SOX6: variants seen among roughly 807,000 people sequenced by gnomAD.
SOX6 encodes transcription factor SOX-6.
A neutral mutation model predicts 97.8 loss-of-function variants in SOX6; 11 were observed. The ratio of observed to expected loss-of-function variants is 0.11; its 90% CI spans 0.07 to 0.19. The LOEUF is 0.19. Among genes scored for constraint, SOX6 ranks in the 10% least tolerant of loss-of-function variants. The pLI is 1.00. For synonymous variants in SOX6, 360 were observed against 371.4 expected (o/e 0.97, Z 0.35); for missense variants, 810 against 1,039.5 (o/e 0.78, Z 3.04).
intron 2 of SOX6, among the ~76,000 whole-genome samples, chr11:16,724,801 C>T (rs941945203): frequency 2.6e-5 from 4 of 152,106 alleles, no homozygotes; most frequent in African/African-American, 9.7e-5. Context: ...ACTACTCAAA[C>T]GTAGTTTCAA....
intron 14 of SOX6, among the ~76,000 whole-genome samples, chr11:15,986,696 A>T (rs975942144): frequency 1.3e-5 from 2 of 152,172 alleles, no homozygotes; most frequent in Non-Finnish European, 2.9e-5. Flanking sequence ...CATTGCCTAC[A>T]CCAAGGTCTT....
chr11:16,321,189 T>C (rs1855913073), intron 2 of SOX6, among the ~76,000 whole-genome samples: 1 of 151,906 alleles, frequency 6.6e-6, no homozygotes, highest in African/African-American at 2.4e-5. Flanking sequence ...CTTTTATGAA[T>C]TAATAATCAC....
chr11:16,522,859 C>G (rs1480949677), intron 4 of SOX6, among the ~76,000 whole-genome samples: 3 of 152,096 alleles, frequency 2.0e-5, no homozygotes, highest in Non-Finnish European at 4.4e-5. Context: ...GACTTTAAAC[C>G]AACAAAGATC....
In SOX6 at chr11:15,967,278, C is replaced by T. The variant is rs1285957917; in HGVS notation, c.*5531G>A. On this transcript the variant is annotated 3_prime_UTR_variant, in exon 16 of 16. Coordinates refer to ENST00000683767, the MANE Select transcript of SOX6 (RefSeq NM_001367873.1). Reference sequence around the variant, plus strand: ...AATTCAAGGGCCACACCCAGTGTTGCTATAGGAACCAAAGCACAGTACCTT... The same window carrying T: ...AATTCAAGGGCCACACCCAGTGTTGTTATAGGAACCAAAGCACAGTACCTT... 1 of 152,156 alleles carries T rather than the reference C, an allele frequency of 6.6e-6. No individual in the cohort carries two copies. The highest frequency in any genetic ancestry group is 1.9e-4 in the East Asian group (1 of 5,190). The allele number at this position is 152,156 out of a possible 1,614,324, so 9.4% of individuals were successfully genotyped here. A position where few individuals can be genotyped will look rare whatever the true frequency, so the allele number is the denominator to read the frequency against.
chr11:16,637,548 A>T (rs796481160), intron 3 of SOX6, among the ~76,000 whole-genome samples: 69 of 152,302 alleles, frequency 4.5e-4, no homozygotes, highest in African/African-American at 1.5e-3. Context: ...AATTTATTAA[A>T]CTATAAATTT....
intron 4 of SOX6, chr11:16,484,001 G>A: frequency 1.2e-6 from 1 of 837,872 alleles, no homozygotes; most frequent in South Asian, 1.3e-5. Context: ...GGATCCTCCA[G>A]GAGGCAAGGT....
At chr11:16,340,934 T>C in intron 2 of SOX6, 78 bp downstream of exon 2, 1 of 1,594,136 alleles carries the variant, frequency 6.3e-7, no homozygotes, top group Non-Finnish European at 8.6e-7. Context: ...GGTCATCTAT[T>C]TCCCTAAAAT....
intron 4 of SOX6, among the ~76,000 whole-genome samples, chr11:16,490,255 G>A (rs1860490637): frequency 6.6e-6 from 1 of 151,932 alleles, no homozygotes; most frequent in South Asian, 2.1e-4. Flanking sequence ...TTATTTACAA[G>A]AACAGGTAGT....
intron 4 of SOX6, among the ~76,000 whole-genome samples, chr11:16,222,894 T>C (rs1852583367): frequency 6.6e-6 from 1 of 152,128 alleles, no homozygotes; most frequent in African/African-American, 2.4e-5. Context: ...TTCACCTTTA[T>C]TATTCAGTCT....
intron 15 of SOX6, among the ~76,000 whole-genome samples, chr11:15,979,301 A>G (rs1170341488): frequency 6.6e-6 from 1 of 151,722 alleles, no homozygotes; most frequent in Non-Finnish European, 1.5e-5. Context: ...TACATCTAGA[A>G]CCCATCTACT....
intron 9 of SOX6, among the ~76,000 whole-genome samples, chr11:16,064,389 TATTA>T (rs1848039975): frequency 6.6e-6 from 1 of 151,474 alleles, no homozygotes; most frequent in African/African-American, 2.4e-5. Flanking sequence ...CATTTCAATT[TATTA>T]ATTTATTAAG....
At chr11:16,094,985 C>T (rs545565734) in intron 9 of SOX6, among the ~76,000 whole-genome samples, 4 of 151,914 alleles carry the variant, frequency 2.6e-5, no homozygotes, top group East Asian at 3.9e-4. Context: ...GAAAAGGTAA[C>T]GTCAAAGGGA....
intron 15 of SOX6, among the ~76,000 whole-genome samples, chr11:15,983,888 C>T (rs1853745684): frequency 6.6e-6 from 1 of 152,094 alleles, no homozygotes; most frequent in East Asian, 1.9e-4. Context: ...ATACCACAAG[C>T]AGAGACTTCA....
intron 3 of SOX6, among the ~76,000 whole-genome samples, chr11:16,260,008 T>G (rs980175921): frequency 4.6e-5 from 7 of 151,968 alleles, no homozygotes; most frequent in Non-Finnish European, 5.9e-5. Flanking sequence ...TATTCATTTA[T>G]GTATTTATTT....
At chr11:16,457,746 C>T (rs1859838326) in intron 1 of SOX6, among the ~76,000 whole-genome samples, 1 of 152,076 alleles carries the variant, frequency 6.6e-6, no homozygotes. Flanking sequence ...TCCATCCCCA[C>T]CGCTTTCTTC....
chr11:16,197,513 G>A (rs1186392599), intron 4 of SOX6, among the ~76,000 whole-genome samples: 1 of 152,074 alleles, frequency 6.6e-6, no homozygotes, highest in African/African-American at 2.4e-5. Context: ...GTCTATAGAG[G>A]GAAAATGGAA....
intron 3 of SOX6, among the ~76,000 whole-genome samples, chr11:16,673,782 A>C (rs2134025770): frequency 6.6e-6 from 1 of 152,348 alleles, no homozygotes; most frequent in East Asian, 1.9e-4. Flanking sequence ...CTGATACCAA[A>C]ACCAGGCAAA....
chr11:16,262,434 T>C (rs996954), intron 3 of SOX6, among the ~76,000 whole-genome samples: 118,889 of 152,002 alleles, frequency 0.78, 46,638 homozygotes, highest in Non-Finnish European at 0.8. Context: ...AAATGTAACA[T>C]TGCTGAACAA....
rs1394078537 is a variant in SOX6, at chr11:15,978,998, ATG to A, written c.2184-5888_2184-5887del. ...TGAGCATATATATAAGCATATATAC[ATG>A]CTTATTTTATATATATAACTGCTTA... On this transcript the variant is annotated intron_variant, in intron 15 of 15. Transcript: ENST00000683767. Among the ~76,000 whole-genome samples, 5 of 63,678 alleles carry A rather than the reference ATG, an allele frequency of 7.9e-5. 1 individual carries two copies. The highest frequency in any genetic ancestry group is 2.1e-4 in the Admixed American group (1 of 4,860). 41.8% of individuals were successfully genotyped at this position (63,678 alleles called of 152,430 possible). A position where few individuals can be genotyped will look rare whatever the true frequency, so the allele number is the denominator to read the frequency against.
Sources: gnomAD v4.1 joint callset for allele counts (sites outside exome capture counted in the v4.1 genomes callset) on GRCh38, gnomAD v4.1.1 for gene constraint, MANE v1.5 for transcripts, NCBI Gene and HGNC (gene_info 2026-07-23, HGNC 2026-07-21) for gene names.